PDGFA: variants seen among roughly 807,000 people sequenced by gnomAD.
The protein encoded by PDGFA is platelet derived growth factor subunit A.
PDGFA carries 9 observed loss-of-function variants against 25.6 expected under a neutral mutation model. The ratio of observed to expected loss-of-function variants is 0.35; its 90% CI spans 0.21 to 0.61. PDGFA has a LOEUF of 0.61. PDGFA is among the 20% of genes least tolerant of loss of function. The pLI, the probability that PDGFA is intolerant of heterozygous loss-of-function variation, is 0.75. For synonymous variants in PDGFA, 133 were observed against 111.8 expected (o/e 1.19, Z -1.20); for missense variants, 242 against 272.8 (o/e 0.89, Z 0.79).
chr7:517,347 G>T lies in PDGFA; in HGVS notation c.160+47C>A. ...GGCCCCAGCTCGGGGCGCACAGGCC[G>T]CCCGCCCGCGCCCTCCCCGCGCGCG... On this transcript the variant is annotated intron_variant, in intron 2 of 5. Coordinates refer to ENST00000402802, the Ensembl canonical transcript of PDGFA. The surrounding 1 kb of genome is among the most constrained non-coding windows in gnomAD (Gnocchi z 7.4). The T allele has an allele frequency of 3.1e-6, 3 of 968,878 alleles. No homozygotes were observed. Among genetic ancestry groups the T allele is most frequent in the Non-Finnish European group, 4.2e-6 (3 of 719,412 alleles). The allele number at this position is 968,878 out of a possible 1,614,324, so 60.0% of individuals were successfully genotyped here.
exon 1 of PDGFA, chr7:519,290 G>A (rs1282307914): frequency 9.0e-6 from 3 of 334,014 alleles, no homozygotes; most frequent in Non-Finnish European, 1.6e-5. Flanking sequence ...GGAGGGCGGG[G>A]GCTGGGCTTC....
chr7:517,229 C>T lies in PDGFA; in HGVS notation c.160+165G>A, dbSNP rs1783148407. On this transcript the variant is annotated intron_variant, in intron 2 of 5. Coordinates refer to ENST00000402802, the Ensembl canonical transcript of PDGFA. This position sits in a 1 kb window ranked among gnomAD's most constrained non-coding sequence, Gnocchi z 7.4. ...CCGCCGCTGGGAGAGAAAGTGGAGA[C>T]TGGAAGAGAAACTCCTGACTCATCC... Among the ~76,000 whole-genome samples the T allele has an allele frequency of 6.6e-6, 1 of 151,560 alleles. No homozygotes were observed. The highest frequency in any genetic ancestry group is 2.1e-4 in the South Asian group (1 of 4,830).
In PDGFA at chr7:501,077, T is replaced by C. The variant is rs778997496; in HGVS notation, c.580+39A>G. 6 of 1,613,968 alleles carry C rather than the reference T, an allele frequency of 3.7e-6. 1 individual carries two copies. The African/African-American group carries it at 6.7e-5, about 18-fold the overall frequency. On this transcript the variant is annotated intron_variant, in intron 5 of 5. Coordinates refer to ENST00000402802, the Ensembl canonical transcript of PDGFA. ...CCCCAAAAGCAAGGCTCTGAAGACC[T>C]GTTCTCCAACACCGATGCCGACGAA... is the stretch of plus-strand genomic sequence containing the variant.
At chr7:514,339 C>T (rs1356520966) in intron 2 of PDGFA, among the ~76,000 whole-genome samples, 1 of 152,160 alleles carries the variant, frequency 6.6e-6, no homozygotes, top group East Asian at 1.9e-4. Flanking sequence ...AGACGGCAGC[C>T]GTGCTAGCTC....
chr7:510,757 GGGAGA>G lies in PDGFA; in HGVS notation c.453+47_453+51del, dbSNP rs1285064624. The stretch of plus-strand genomic sequence containing the variant: ...GGGAGGGGAGAGGAGAGGAGGGGAG[GGGAGA>G]GGAGAGGAGGGGAGGGGAGGGGAGG... On this transcript the variant is annotated intron_variant, in intron 4 of 5. Transcript: ENST00000402802. 1.1e-4 allele frequency: 57 copies of G among 534,320 alleles called. No individual in the cohort carries two copies. In the Admixed American group the frequency reaches 1.1e-3, roughly 10 times the overall value. 33.1% of individuals were successfully genotyped at this position (534,320 alleles called of 1,614,324 possible).
chr7:509,182 G>A (rs1178043797), intron 4 of PDGFA, among the ~76,000 whole-genome samples: 2 of 152,244 alleles, frequency 1.3e-5, no homozygotes, highest in Non-Finnish European at 2.9e-5. Flanking sequence ...AGGGAGGAAG[G>A]CCCTGCTGTG....
chr7:505,340 G>A lies in PDGFA; in HGVS notation c.454-4098C>T, dbSNP rs181958088. 4.6e-5 allele frequency among the ~76,000 whole-genome samples: 7 copies of A among 152,202 alleles called. No individual in the cohort carries two copies. The South Asian group carries it at 6.2e-4, about 14-fold the overall frequency. On this transcript the variant is annotated intron_variant, in intron 4 of 5. Coordinates refer to ENST00000402802, the Ensembl canonical transcript of PDGFA. ...CACACCAGACATTCCGATTCCCCAC[G>A]GCTGAGTTCATCTGCGTCGTAAGCC...
Position 501,058 on chromosome 7 carries a change from A to T in PDGFA, c.580+58T>A, listed in dbSNP as rs561580713. The T allele has an allele frequency of 6.3e-5, 101 of 1,613,786 alleles. 2 individuals are homozygous for T. The South Asian group carries it at 8.0e-4, about 13-fold the overall frequency. On this transcript the variant is annotated intron_variant, in intron 5 of 5. Transcript: ENST00000402802. ...TCAAGGGGGCCACCTAACACCCCAAAAGCAAGGCTCTGAAGACCTGTTCTC... is the reference window on the plus strand; with the variant it reads ...TCAAGGGGGCCACCTAACACCCCAATAGCAAGGCTCTGAAGACCTGTTCTC...
chr7:515,075 G>C (rs1280627394), intron 2 of PDGFA, among the ~76,000 whole-genome samples: 1 of 152,246 alleles, frequency 6.6e-6, no homozygotes, highest in Non-Finnish European at 1.5e-5. Flanking sequence ...ACCTGGAGGA[G>C]GAGTCAGCAT....
chr7:515,141 G>A (rs951169132), intron 2 of PDGFA, among the ~76,000 whole-genome samples: 2 of 152,178 alleles, frequency 1.3e-5, no homozygotes, highest in African/African-American at 4.8e-5. Context: ...CCTACAGCGT[G>A]GGCCTTAGAG....
chr7:512,771 G>A, intron 2 of PDGFA: 13 of 852,832 alleles, frequency 1.5e-5, no homozygotes, highest in Non-Finnish European at 1.8e-5. Flanking sequence ...TCTCCCCTAC[G>A]GTGCCTCCTC....
chr7:513,954 A>G (rs903011314), intron 2 of PDGFA, among the ~76,000 whole-genome samples: 3 of 152,244 alleles, frequency 2.0e-5, no homozygotes, highest in African/African-American at 7.2e-5. Flanking sequence ...AGAATTTCCC[A>G]TCAACCAACT....
chr7:500,306 T>A lies in PDGFA; in HGVS notation c.580+810A>T. On this transcript the variant is annotated intron_variant, in intron 5 of 5. Transcript: ENST00000402802. The surrounding 1 kb of genome is among the most constrained non-coding windows in gnomAD (Gnocchi z 5.0). ...GGAGACCCAAGCCCAGCAGACACCA[T>A]CAAGGCCAATCAGGGCCACATCCCC... is the stretch of plus-strand genomic sequence containing the variant. 4.8e-6 allele frequency: 5 copies of A among 1,036,320 alleles called. No homozygotes were observed. Among genetic ancestry groups the A allele is most frequent in the Non-Finnish European group, 7.3e-6 (5 of 689,430 alleles). The allele number at this position is 1,036,320 out of a possible 1,614,324, so 64.2% of individuals were successfully genotyped here.
intron 4 of PDGFA, among the ~76,000 whole-genome samples, chr7:510,244 G>A (rs1782739522): frequency 6.6e-6 from 1 of 152,108 alleles, no homozygotes; most frequent in Non-Finnish European, 1.5e-5. Context: ...GGCCGGCCCT[G>A]CCTTTCCCGC....
In PDGFA at chr7:500,398, G is replaced by A. The variant is rs778550254; in HGVS notation, c.580+718C>T. On this transcript the variant is annotated intron_variant, in intron 5 of 5. Transcript: ENST00000402802. The surrounding 1 kb of genome is among the most constrained non-coding windows in gnomAD (Gnocchi z 5.0). ...TCAGTCAGTTGCACCTCCCCGCCCT[G>A]CAGGACTCAGTGTGTCCGGCAGACA... is the stretch of plus-strand genomic sequence containing the variant. 2 of 1,609,666 alleles carry A rather than the reference G, an allele frequency of 1.2e-6. No individual in the cohort carries two copies. The highest frequency in any genetic ancestry group is 1.7e-5 in the Admixed American group (1 of 60,018).
chr7:506,785 C>G (rs893872194), intron 4 of PDGFA, among the ~76,000 whole-genome samples: 3 of 152,208 alleles, frequency 2.0e-5, no homozygotes, highest in Non-Finnish European at 4.4e-5. Context: ...AGTCACTCCC[C>G]CAGGGCTGCC....
intron 3 of PDGFA, 81 bp downstream of exon 3, chr7:512,270 C>T (rs557656698): frequency 1.9e-4 from 245 of 1,321,018 alleles, no homozygotes; most frequent in Middle Eastern, 1.4e-3. Context: ...CCTCCCCACC[C>T]GGCCCTGCCC....
At chr7:504,229 C>G (rs1685610568) in intron 4 of PDGFA, among the ~76,000 whole-genome samples, 1 of 152,090 alleles carries the variant, frequency 6.6e-6, no homozygotes, top group Admixed American at 6.5e-5. Flanking sequence ...AGCACAGTAC[C>G]ACCACCCACC....
Position 517,393 on chromosome 7 carries a change from C to G in PDGFA, c.160+1G>C. 1 of 1,364,898 alleles carries G rather than the reference C, an allele frequency of 7.3e-7. No homozygotes were observed. The highest frequency in any genetic ancestry group is 9.6e-7 in the Non-Finnish European group (1 of 1,039,530). The allele number at this position is 1,364,898 out of a possible 1,614,324, so 84.5% of individuals were successfully genotyped here. On this transcript the variant is annotated splice_donor_variant, in intron 2 of 5. Transcript: ENST00000402802. LOFTEE classifies it high-confidence loss of function. This position sits in a 1 kb window ranked among gnomAD's most constrained non-coding sequence, Gnocchi z 7.4. ...GCGCGGAGGGAAGGGGCGCGATTTA[C>G]CTACGGAGTCTATCTCCAGGAGTCG... is the stretch of plus-strand genomic sequence containing the variant.
Sources: gnomAD v4.1 joint callset for allele counts (sites outside exome capture counted in the v4.1 genomes callset) on GRCh38, gnomAD v4.1.1 for gene constraint, Gnocchi (gnomAD v3.1) non-coding constraint, MANE v1.5 for transcripts, NCBI Gene and HGNC (gene_info 2026-07-23, HGNC 2026-07-21) for gene names.